IL17RD: variants seen among roughly 807,000 people sequenced by gnomAD.
The protein encoded by IL17RD is interleukin-17 receptor D.
In IL17RD, 52 loss-of-function variants were observed where a neutral mutation model predicts 80.5. That is an observed-to-expected ratio of 0.65 (90% confidence interval 0.52 to 0.81). IL17RD has a LOEUF of 0.81. IL17RD is among the 40% of genes least tolerant of loss of function. IL17RD has a pLI of 0.00. For synonymous variants in IL17RD, 416 were observed against 391.8 expected (o/e 1.06, Z -0.73); for missense variants, 1,024 against 955.1 (o/e 1.07, Z -0.95).
chr3:57,146,818 T>C (rs1707941198), intron 1 of IL17RD, among the ~76,000 whole-genome samples: 2 of 138,492 alleles, frequency 1.4e-5, no homozygotes, highest in South Asian at 2.3e-4. Flanking sequence ...GTGAGAGGTA[T>C]TCTTTTTTTT....
At chr3:57,142,099 C>T (rs1299630553) in intron 1 of IL17RD, among the ~76,000 whole-genome samples, 1 of 152,196 alleles carries the variant, frequency 6.6e-6, no homozygotes, top group African/African-American at 2.4e-5. Flanking sequence ...AAATAACCAA[C>T]CATAAACTTT....
intron 1 of IL17RD, among the ~76,000 whole-genome samples, chr3:57,163,925 C>T (rs1255233800): frequency 1.3e-5 from 2 of 151,964 alleles, no homozygotes; most frequent in Non-Finnish European, 2.9e-5. Context: ...TTTCTTGGGA[C>T]TGTGGGGCAA....
At chr3:57,168,295 T>C (rs191817339), upstream of IL17RD, among the ~76,000 whole-genome samples, 1 of 152,320 alleles carries the variant, frequency 6.6e-6, no homozygotes, top group Non-Finnish European at 1.5e-5. Flanking sequence ...AGAGCCCCAC[T>C]CCTGCTCCCT....
At chr3:57,143,394 A>C (rs1707868213) in intron 1 of IL17RD, among the ~76,000 whole-genome samples, 1 of 152,232 alleles carries the variant, frequency 6.6e-6, no homozygotes, top group Non-Finnish European at 1.5e-5. Flanking sequence ...CGTCATTCTC[A>C]TCAGTGATGA....
intron 1 of IL17RD, among the ~76,000 whole-genome samples, chr3:57,121,226 A>G (rs1448488945): frequency 6.6e-6 from 1 of 152,232 alleles, no homozygotes; most frequent in Non-Finnish European, 1.5e-5. Context: ...ACTCAACAAG[A>G]AGGATGTTGG....
chr3:57,138,271 T>C (rs919517488), intron 1 of IL17RD, among the ~76,000 whole-genome samples: 1 of 152,154 alleles, frequency 6.6e-6, no homozygotes, highest in Non-Finnish European at 1.5e-5. Context: ...TTATGTGTAT[T>C]TCAACACAAT....
chr3:57,110,380 A>G, intron 3 of IL17RD, 69 bp from the exon 4 acceptor site: 1 of 1,491,030 alleles, frequency 6.7e-7, no homozygotes, highest in Non-Finnish European at 9.1e-7. Flanking sequence ...TCTTCCTCCA[A>G]GATTACCATC....
chr3:57,127,253 AATATATAT>A (rs1239681587), intron 1 of IL17RD, among the ~76,000 whole-genome samples: 2,609 of 98,540 alleles, frequency 0.026, 352 homozygotes, highest in African/African-American at 0.12. Flanking sequence ...TATATATATA[AATATATAT>A]AAATATATAT....
upstream of IL17RD, chr3:57,169,111 A>C: frequency 2.4e-6 from 1 of 413,760 alleles, no homozygotes; most frequent in South Asian, 1.8e-5. Context: ...AAATGAGGGG[A>C]CCAGGCCCCA....
chr3:57,097,724 C>A lies in IL17RD; in HGVS notation c.1979G>T (p.Arg660Leu), dbSNP rs1579253296. 1 of 1,602,494 alleles carries A rather than the reference C, an allele frequency of 6.2e-7. No homozygotes were observed. Among genetic ancestry groups the A allele is most frequent in the East Asian group, 2.2e-5 (1 of 44,620 alleles). Residue 660 changes from arginine (R) to leucine (L), a missense_variant, in exon 12 of 13, where the codon CGG (arginine) becomes CTG (leucine). Coordinates refer to ENST00000296318, the MANE Select transcript of IL17RD (RefSeq NM_017563.5). The part of the protein sequence containing the change: ...VKAGSPSDMP[R>L]DSGIYDSSVP... ...AGACGAGTCATAGATGCCTGAGTCC[C>A]GCGGCATGTCCGAGGGGCTGCCGGC...
At chr3:57,120,400 A>G (rs750808977) in intron 1 of IL17RD, 87 bp from the exon 2 acceptor site, 377 of 891,582 alleles carry the variant, frequency 4.2e-4, no homozygotes, top group Non-Finnish European at 6.1e-4. Context: ...TGCAAGCAGC[A>G]CTGCTGAGAC....
intron 1 of IL17RD, among the ~76,000 whole-genome samples, chr3:57,140,520 G>C (rs1254520723): frequency 2.0e-5 from 3 of 152,196 alleles, no homozygotes. Context: ...GTGAATGTTT[G>C]CATGATGGCA....
intron 1 of IL17RD, among the ~76,000 whole-genome samples, chr3:57,121,812 C>G (rs1427340644): frequency 6.6e-6 from 1 of 152,154 alleles, no homozygotes; most frequent in South Asian, 2.1e-4. Flanking sequence ...AGGAACGAGA[C>G]AATCCAATCC....
intron 1 of IL17RD, among the ~76,000 whole-genome samples, chr3:57,158,302 T>C (rs1579323387): frequency 6.6e-6 from 1 of 152,230 alleles, no homozygotes; most frequent in East Asian, 1.9e-4. Context: ...CTTCCAATAA[T>C]ACTTGCCATC....
At chr3:57,101,115 G>A (rs1443727821) in intron 11 of IL17RD, 64 bp downstream of exon 11, 65 of 1,352,908 alleles carry the variant, frequency 4.8e-5, no homozygotes, top group Non-Finnish European at 6.5e-5. Flanking sequence ...GGAGAAGGCA[G>A]CGGGGAGAGA....
At chr3:57,150,992 A>G (rs1415921634) in intron 1 of IL17RD, among the ~76,000 whole-genome samples, 2 of 152,238 alleles carry the variant, frequency 1.3e-5, no homozygotes, top group African/African-American at 4.8e-5. Context: ...AACACAAGAA[A>G]TGCTATCATT....
rs1275222869 is a variant in IL17RD, at chr3:57,095,450, T to C, written c.*943A>G. On this transcript the variant is annotated 3_prime_UTR_variant, in exon 13 of 13. Transcript: ENST00000296318. ...TGGCCATCACCTCCACACACTGCTG[T>C]ATTTCAGTGAATTGTGATCCCTAAT... 1 of 152,278 alleles carries C rather than the reference T, an allele frequency of 6.6e-6. No homozygotes were observed. Among genetic ancestry groups the C allele is most frequent in the African/African-American group, 2.4e-5 (1 of 41,464 alleles). 9.4% of individuals were successfully genotyped at this position (152,278 alleles called of 1,614,324 possible). A position where few individuals can be genotyped will look rare whatever the true frequency, so the allele number is the denominator to read the frequency against.
rs1355784358 is a variant in IL17RD at position 57,102,572 on chromosome 3, C to T, written c.886G>A (p.Gly296Arg). The part of the protein sequence containing the change: ...ALKPVHSPWA[G>R]PIRAVAITVP... ...GTGATGGCCACGGCTCTGATGGGCCCGGCCCACGGGGAGTGCACTGGGAAA... is the reference window on the plus strand; with the variant it reads ...GTGATGGCCACGGCTCTGATGGGCCTGGCCCACGGGGAGTGCACTGGGAAA... Residue 296 changes from glycine (G) to arginine (R), a missense_variant, in exon 10 of 13, where the codon GGG becomes AGG. Transcript: ENST00000296318. 5.1e-6 allele frequency: 8 copies of T among 1,562,580 alleles called. No homozygotes were observed. The highest frequency in any genetic ancestry group is 1.4e-5 in the African/African-American group (1 of 73,630).
intron 1 of IL17RD, among the ~76,000 whole-genome samples, chr3:57,142,857 G>A (rs1193891445): frequency 1.3e-5 from 2 of 151,782 alleles, no homozygotes; most frequent in Admixed American, 1.3e-4. Flanking sequence ...TAACCTGGAA[G>A]CTTTGCTGAG....
Sources: allele counts gnomAD v4.1 joint callset (sites outside exome capture counted in the v4.1 genomes callset), GRCh38; gene constraint gnomAD v4.1.1; transcripts MANE v1.5; gene names NCBI Gene and HGNC (gene_info 2026-07-23, HGNC 2026-07-21).